Variants in EPHA4 observed in about 807,000 individuals in gnomAD.
EPHA4 encodes ephrin type-A receptor 4.
A neutral mutation model predicts 108.3 loss-of-function variants in EPHA4; 19 were observed. That is an observed-to-expected ratio of 0.18 (90% CI 0.12 to 0.26). The LOEUF (loss-of-function observed/expected upper bound fraction) is 0.26. EPHA4 is among the 10% of genes least tolerant of loss of function. The pLI is 1.00. For missense variants in EPHA4, 917 were observed against 1,254.0 expected, an observed-to-expected ratio of 0.73 and a Z score of 4.06; for synonymous variants, 449 against 455.5, an observed-to-expected ratio of 0.99 and a Z score of 0.18.
In EPHA4 at chr2:221,446,147, C is replaced by A; in HGVS notation, c.1750G>T (p.Asp584Tyr). The A allele has an allele frequency of 6.4e-7, 1 of 1,554,536 alleles. No individual in the cohort carries two copies. Among genetic ancestry groups the A allele is most frequent in the Non-Finnish European group, 8.7e-7 (1 of 1,153,092 alleles). The change falls in exon 9 of 18, where the codon GAT becomes TAT. Residue 584 changes from aspartate (D) to tyrosine (Y), a missense_variant. This residue lies in a region of EPHA4 where 758 missense variants were observed against 1,076.7 expected (regional missense o/e 0.70). Coordinates refer to ENST00000281821, the MANE Select transcript of EPHA4 (RefSeq NM_004438.5). ...CCTTGATTCAAATGTTTCTCTTCATCCGCTTCTTGTTTGGCTTTACTGTAT... is the reference window on the plus strand; with the variant it reads ...CCTTGATTCAAATGTTTCTCTTCATACGCTTCTTGTTTGGCTTTACTGTAT... ...SKYSKAKQEA[D>Y]EEKHLNQGVR...
intron 11 of EPHA4, among the ~76,000 whole-genome samples, chr2:221,442,481 GC>G (rs3834138): frequency 0.078 from 11,908 of 152,196 alleles, 615 homozygotes; most frequent in East Asian, 0.25. Flanking sequence ...GTTTTGTTGT[GC>G]TTTATAGGAA....
chr2:221,505,815 C>G (rs1286504421), intron 3 of EPHA4, among the ~76,000 whole-genome samples: 1 of 152,156 alleles, frequency 6.6e-6, no homozygotes, highest in African/African-American at 2.4e-5. Flanking sequence ...CACAATCCCC[C>G]AAGGACCTGT....
chr2:221,559,769 A>T (rs922847331), intron 3 of EPHA4, among the ~76,000 whole-genome samples: 1 of 152,176 alleles, frequency 6.6e-6, no homozygotes, highest in African/African-American at 2.4e-5. Context: ...AACTAGAATC[A>T]TTATATTATC....
chr2:221,490,695 C>T (rs914027410), intron 4 of EPHA4, among the ~76,000 whole-genome samples: 1 of 152,178 alleles, frequency 6.6e-6, no homozygotes, highest in South Asian at 2.1e-4. Flanking sequence ...TTCAGATAAG[C>T]CTTTGTTGTT....
intron 4 of EPHA4, among the ~76,000 whole-genome samples, chr2:221,485,458 G>T (rs1014542325): frequency 6.6e-6 from 1 of 152,178 alleles, no homozygotes; most frequent in African/African-American, 2.4e-5. Context: ...ATCGTACTGC[G>T]TATGTTTTAT....
intron 4 of EPHA4, among the ~76,000 whole-genome samples, chr2:221,498,827 T>C (rs752704702): frequency 6.0e-5 from 9 of 149,190 alleles, no homozygotes; most frequent in Non-Finnish European, 1.3e-4. Flanking sequence ...GAGTTTCCTC[T>C]GTCATCTAGG....
intron 5 of EPHA4, among the ~76,000 whole-genome samples, chr2:221,465,883 A>T (rs991317330): frequency 6.6e-6 from 1 of 151,188 alleles, no homozygotes; most frequent in African/African-American, 2.5e-5. Context: ...CCTTCTGGCA[A>T]AAAAGAGGTA....
chr2:221,549,463 T>C (rs1302542130), intron 3 of EPHA4, among the ~76,000 whole-genome samples: 1 of 152,204 alleles, frequency 6.6e-6, no homozygotes, highest in African/African-American at 2.4e-5. Context: ...TGGCTGTTGG[T>C]CTCTCAATAA....
chr2:221,452,991 A>T (rs1690833479), intron 8 of EPHA4, among the ~76,000 whole-genome samples: 2 of 152,202 alleles, frequency 1.3e-5, no homozygotes, highest in African/African-American at 4.8e-5. Context: ...TAAGCAGAAC[A>T]TCCAAAGGAA....
intron 5 of EPHA4, among the ~76,000 whole-genome samples, chr2:221,463,401 A>G (rs1691209736): frequency 6.6e-6 from 1 of 152,210 alleles, no homozygotes. Flanking sequence ...CTTTCGAAAT[A>G]GAATCCCCAT....
At chr2:221,524,715 A>G (rs1282865810) in intron 3 of EPHA4, among the ~76,000 whole-genome samples, 1 of 152,224 alleles carries the variant, frequency 6.6e-6, no homozygotes, top group Non-Finnish European at 1.5e-5. Context: ...GGAAGATACA[A>G]CATATAAAAA....
At position 221,438,955 on chromosome 2, in the gene EPHA4, A is replaced by G. The variant is rs540227933; in HGVS notation, c.2075-1833T>C. 3.3e-5 allele frequency among the ~76,000 whole-genome samples: 5 copies of G among 152,254 alleles called. No individual in the cohort carries two copies. The East Asian group carries it at 9.7e-4, about 30-fold the overall frequency. ...TCCATCAGCTTATAATTTCTGGCATATAGGGCATGGGGAAATTTTTCACCT... is the reference window on the plus strand; with the variant it reads ...TCCATCAGCTTATAATTTCTGGCATGTAGGGCATGGGGAAATTTTTCACCT... On this transcript the variant is annotated intron_variant, in intron 11 of 17. Transcript: ENST00000281821.
Position 221,563,971 on chromosome 2 carries a change from C to G in EPHA4, c.583G>C (p.Val195Leu). Residue 195 changes from valine to leucine, a missense_variant, in exon 3 of 18, where the codon GTA (valine) becomes CTA (leucine). Val to Leu is a conservative substitution (Grantham distance 32, BLOSUM62 1). Coordinates refer to ENST00000281821, the MANE Select transcript of EPHA4 (RefSeq NM_004438.5). Reference protein sequence around the residue: ...FQDVGACIALVSVRVFYKKCP... With the variant: ...FQDVGACIALLSVRVFYKKCP... ...TTTTTATAGAACACACGGACTGATA[C>G]CAGGGCGATGCAGGCCCCCACATCC... is the stretch of plus-strand genomic sequence containing the variant. 6.2e-7 allele frequency: 1 copy of G among 1,614,020 alleles called. No homozygotes were observed. Among genetic ancestry groups the G allele is most frequent in the Non-Finnish European group, 8.5e-7 (1 of 1,180,034 alleles).
rs556091361 is a variant in EPHA4, at chr2:221,486,970, A to ACAGATT, written c.980-4286_980-4281dup. Among the ~76,000 whole-genome samples the ACAGATT allele has an allele frequency of 7.4e-4, 113 of 152,238 alleles. 2 individuals carry two copies. The highest frequency in any genetic ancestry group is 2.6e-3 in the African/African-American group (108 of 41,556). ...AGCTGTACTAGTCAACTTTTCACAT[A>ACAGATT]CAGATTCATTAGCTTTATACCTGTG... On this transcript the variant is annotated intron_variant, in intron 4 of 17. Coordinates refer to ENST00000281821, the MANE Select transcript of EPHA4 (RefSeq NM_004438.5).
At chr2:221,541,330 G>GA (rs1376978017) in intron 3 of EPHA4, among the ~76,000 whole-genome samples, 2 of 152,068 alleles carry the variant, frequency 1.3e-5, no homozygotes, top group African/African-American at 4.8e-5. Flanking sequence ...GCAGCGAGGG[G>GA]ATCCCCTAAG....
At chr2:221,563,646 C>T in intron 3 of EPHA4, 85 bp downstream of exon 3, 1 of 1,486,168 alleles carries the variant, frequency 6.7e-7, no homozygotes, top group Non-Finnish European at 9.1e-7. Context: ...CTACTAATTA[C>T]TGGCTTTACT....
chr2:221,493,333 C>T (rs1364393656), intron 4 of EPHA4, among the ~76,000 whole-genome samples: 1 of 152,074 alleles, frequency 6.6e-6, no homozygotes, highest in Non-Finnish European at 1.5e-5. Context: ...ATCCCTTAGC[C>T]AGACTGCTAA....
chr2:221,530,312 C>T (rs973475656), intron 3 of EPHA4, among the ~76,000 whole-genome samples: 1 of 152,218 alleles, frequency 6.6e-6, no homozygotes, highest in Non-Finnish European at 1.5e-5. Flanking sequence ...GGCAAAGAGA[C>T]TGACTCATGC....
At chr2:221,493,658 G>A (rs906920083) in intron 4 of EPHA4, among the ~76,000 whole-genome samples, 4 of 152,214 alleles carry the variant, frequency 2.6e-5, no homozygotes, top group East Asian at 1.9e-4. Flanking sequence ...CATTAGCAGC[G>A]AGGGCTTTGA....
Sources: allele counts gnomAD v4.1 joint callset (sites outside exome capture counted in the v4.1 genomes callset), GRCh38; gene constraint gnomAD v4.1.1; regional missense constraint gnomAD v4.1.1; transcripts MANE v1.5; gene names NCBI Gene and HGNC (gene_info 2026-07-23, HGNC 2026-07-21).